Variants in USPL1 observed in about 807,000 individuals in gnomAD.
USPL1 encodes SUMO-specific isopeptidase USPL1.
In USPL1, 27 loss-of-function variants were observed where a neutral mutation model predicts 51.5. The ratio of observed to expected loss-of-function variants is 0.52; its 90% CI spans 0.39 to 0.72. The LOEUF is 0.72. USPL1 is among the 30% of genes least tolerant of loss of function. The probability of loss-of-function intolerance (pLI) is 0.00; values close to 1 mark genes in which losing one functional copy is unlikely to be tolerated. For missense variants in USPL1, 1,226 were observed against 1,268.0 expected, an observed-to-expected ratio of 0.97 and a Z score of 0.50; for synonymous variants, 451 against 459.6, an observed-to-expected ratio of 0.98 and a Z score of 0.24.
In USPL1 at chr13:30,637,780, C is replaced by T. The variant is rs749424075; in HGVS notation, c.905C>T (p.Ala302Val). ...AAAAAACTTACCTCAGAAATATTTG[C>T]AGAGATAGAGACCTGTCTGAATGAA... ...DCKKLTSEIF[A>V]EIETCLNEVR... The change falls in exon 5 of 9, where the codon GCA (alanine) becomes GTA (valine). Residue 302 changes from alanine (A) to valine (V), a missense_variant. Physicochemically the swap from Ala to Val is moderately conservative, Grantham distance 64. Coordinates refer to ENST00000255304, the MANE Select transcript of USPL1 (RefSeq NM_005800.5). The T allele has an allele frequency of 6.2e-7, 1 of 1,612,556 alleles. No homozygotes were observed. The highest frequency in any genetic ancestry group is 8.5e-7 in the Non-Finnish European group (1 of 1,179,540).
rs1382251687 is a variant in USPL1 at position 30,659,637 on chromosome 13, T to G, written c.*281T>G. The G allele has an allele frequency of 3.3e-6, 1 of 299,254 alleles. No individual in the cohort carries two copies. The highest frequency in any genetic ancestry group is 2.2e-5 in the African/African-American group (1 of 45,662). The allele number at this position is 299,254 out of a possible 1,614,324, so 18.5% of individuals were successfully genotyped here. ...AAAGTGGCGTCTAGTTTCTGACAGTTTGTACAGTTGGATGCATTACATTTT... is the reference window on the plus strand; with the variant it reads ...AAAGTGGCGTCTAGTTTCTGACAGTGTGTACAGTTGGATGCATTACATTTT... On this transcript the variant is annotated 3_prime_UTR_variant, in exon 9 of 9. Transcript: ENST00000255304.
Position 30,658,818 on chromosome 13 carries a change from C to T in USPL1, c.2741C>T (p.Thr914Ile), listed in dbSNP as rs1285662630. 6.2e-7 allele frequency: 1 copy of T among 1,613,938 alleles called. No individual in the cohort carries two copies. The change falls in exon 9 of 9, where the codon ACA becomes ATA. Residue 914 changes from threonine (T) to isoleucine (I), a missense_variant. Thr to Ile is a moderately conservative substitution (Grantham distance 89). Coordinates refer to ENST00000255304, the MANE Select transcript of USPL1 (RefSeq NM_005800.5). ...CTTATGTCTTCCCCGCAAAGCAGAA[C>T]AGTTCGAAGTGAAAATCTAGAACAG... ...AALMSSPQSR[T>I]VRSENLEQVP... is the part of the protein sequence containing the mutation.
At chr13:30,635,053 G>T (rs546953175) in intron 4 of USPL1, among the ~76,000 whole-genome samples, 1 of 152,218 alleles carries the variant, frequency 6.6e-6, no homozygotes, top group Admixed American at 6.5e-5. Context: ...TAATTGATTT[G>T]TATGAGTTTG....
chr13:30,646,355 G>T lies in USPL1; in HGVS notation c.1113-577G>T, dbSNP rs554528305. On this transcript the variant is annotated intron_variant, in intron 6 of 8. Transcript: ENST00000255304. ...CACAATTAATGCTGTGTGTGTGTGT[G>T]TTTTTTTTTTAAGGATTAAAAAAAG... Among the ~76,000 whole-genome samples, 364 of 144,544 alleles carry T rather than the reference G, an allele frequency of 2.5e-3. 2 individuals are homozygous for T. The highest frequency in any genetic ancestry group is 6.2e-3 in the African/African-American group (245 of 39,828). The allele number at this position is 144,544 out of a possible 152,430, so 94.8% of individuals were successfully genotyped here. A position where few individuals can be genotyped will look rare whatever the true frequency, so the allele number is the denominator to read the frequency against.
chr13:30,654,389 A>C (rs1201298824), intron 8 of USPL1, among the ~76,000 whole-genome samples: 4 of 134,930 alleles, frequency 3.0e-5, no homozygotes, highest in Admixed American at 7.7e-5. Context: ...TTGCTCCTTC[A>C]TTCCTTCTCT....
At chr13:30,636,271 A>AT (rs1282221760) in intron 4 of USPL1, among the ~76,000 whole-genome samples, 8 of 152,162 alleles carry the variant, frequency 5.3e-5, no homozygotes, top group Non-Finnish European at 5.9e-5. Context: ...TTAATCTGTT[A>AT]CTAATTTTTT....
At position 30,630,991 on chromosome 13, in the gene USPL1, A is replaced by G. The variant is rs770469215; in HGVS notation, c.385A>G (p.Ile129Val). 3.1e-6 allele frequency: 5 copies of G among 1,614,102 alleles called. No individual in the cohort carries two copies. In the South Asian group the frequency reaches 3.3e-5, roughly 11 times the overall value. Residue 129 changes from isoleucine to valine, a missense_variant, in exon 4 of 9, where the codon ATT (isoleucine) becomes GTT (valine). Ile to Val is a conservative substitution (Grantham distance 29). Transcript: ENST00000255304. Reference protein sequence around the residue: ...LANSKKTRNYIAIDGGKVLNS... With the variant: ...LANSKKTRNYVAIDGGKVLNS... ...AAATTCCAAAAAGACTAGAAATTAT[A>G]TTGCTATTGACGGTGGAAAAGTTTT...
At chr13:30,635,804 T>C (rs564083022) in intron 4 of USPL1, among the ~76,000 whole-genome samples, 1 of 152,346 alleles carries the variant, frequency 6.6e-6, no homozygotes, top group Middle Eastern at 3.4e-3. Flanking sequence ...CTGTTGTGAA[T>C]TAACACCAGG....
chr13:30,639,272 G>GTA (rs1324613204), intron 5 of USPL1, among the ~76,000 whole-genome samples: 22 of 150,518 alleles, frequency 1.5e-4, no homozygotes, highest in South Asian at 2.1e-4. Context: ...ATGTGCGTGT[G>GTA]TATATATATA....
chr13:30,625,515 G>A (rs1357427486), intron 3 of USPL1, among the ~76,000 whole-genome samples: 1 of 145,742 alleles, frequency 6.9e-6, no homozygotes, highest in Non-Finnish European at 1.5e-5. Context: ...GTGCGATCTC[G>A]GCTCACCGCA....
rs1951245766 is a variant in USPL1, at chr13:30,660,526, T to C, written c.*1170T>C. 1 of 152,236 alleles carries C rather than the reference T, an allele frequency of 6.6e-6. No individual in the cohort carries two copies. Among genetic ancestry groups the C allele is most frequent in the Non-Finnish European group, 1.5e-5 (1 of 68,042 alleles). The allele number at this position is 152,236 out of a possible 1,614,324, so 9.4% of individuals were successfully genotyped here. A position where few individuals can be genotyped will look rare whatever the true frequency, so the allele number is the denominator to read the frequency against. On this transcript the variant is annotated 3_prime_UTR_variant, in exon 9 of 9. Transcript: ENST00000255304. ...TGCCACCATCATTAGTTCAAGAGTT[T>C]ATGCAGATTTAAGTTGTATACGGTA...
chr13:30,632,406 A>ATTTTTT lies in USPL1; in HGVS notation c.868+952_868+957dup, dbSNP rs60539080. Among the ~76,000 whole-genome samples the ATTTTTT allele has an allele frequency of 1.9e-4, 16 of 83,684 alleles. 1 individual carries two copies. The highest frequency in any genetic ancestry group is 3.3e-4 in the East Asian group (1 of 3,032). The allele number at this position is 83,684 out of a possible 152,430, so 54.9% of individuals were successfully genotyped here. A position where few individuals can be genotyped will look rare whatever the true frequency, so the allele number is the denominator to read the frequency against. ...TTGGTTCCAAGTCTTTGCTATTGTG[A>ATTTTTT]TTTTTTTTTTTTTTTTTTTTTTTTT... is the stretch of plus-strand genomic sequence containing the variant. On this transcript the variant is annotated intron_variant, in intron 4 of 8. Transcript: ENST00000255304.
At chr13:30,649,034 T>C (rs1312150511) in intron 7 of USPL1, among the ~76,000 whole-genome samples, 1 of 152,234 alleles carries the variant, frequency 6.6e-6, no homozygotes. Context: ...GTTAATTGGT[T>C]GCACTGCAGC....
At chr13:30,639,903 T>A (rs1950924330) in intron 5 of USPL1, among the ~76,000 whole-genome samples, 1 of 152,206 alleles carries the variant, frequency 6.6e-6, no homozygotes, top group Non-Finnish European at 1.5e-5. Flanking sequence ...ATAATTATTT[T>A]TGGAACAAAG....
At chr13:30,627,727 A>G (rs1054081606) in intron 3 of USPL1, among the ~76,000 whole-genome samples, 3 of 152,036 alleles carry the variant, frequency 2.0e-5, no homozygotes, top group Non-Finnish European at 4.4e-5. Context: ...AACCATTTTT[A>G]TGTATAGAGT....
intron 7 of USPL1, among the ~76,000 whole-genome samples, chr13:30,651,718 T>G (rs1951094171): frequency 6.6e-6 from 1 of 152,288 alleles, no homozygotes; most frequent in African/African-American, 2.4e-5. Flanking sequence ...CCCAGCACTT[T>G]GGGAGGCCAA....
intron 1 of USPL1, among the ~76,000 whole-genome samples, chr13:30,619,756 A>G (rs1950624485): frequency 6.6e-6 from 1 of 152,202 alleles, no homozygotes; most frequent in Non-Finnish European, 1.5e-5. Flanking sequence ...TTTGACTCCT[A>G]CATAGTTCTC....
intron 1 of USPL1, among the ~76,000 whole-genome samples, chr13:30,620,077 A>G (rs1283762695): frequency 3.3e-5 from 5 of 152,220 alleles, no homozygotes; most frequent in African/African-American, 7.2e-5. Context: ...AGATTCGCCG[A>G]TACTTTCTTT....
intron 3 of USPL1, among the ~76,000 whole-genome samples, chr13:30,625,509 G>C (rs191545809): frequency 1.4e-5 from 2 of 148,134 alleles, no homozygotes. Flanking sequence ...GCAGTGGTGC[G>C]ATCTCGGCTC....
Sources: allele counts gnomAD v4.1 joint callset (sites outside exome capture counted in the v4.1 genomes callset), GRCh38; gene constraint gnomAD v4.1.1; transcripts MANE v1.5; gene names NCBI Gene and HGNC (gene_info 2026-07-23, HGNC 2026-07-21).